Variants in RCOR2 observed in about 807,000 individuals in gnomAD.
RCOR2 encodes REST corepressor 2.
In RCOR2, 19 loss-of-function variants were observed where a neutral mutation model predicts 58.9. The ratio of observed to expected loss-of-function variants is 0.32; its 90% CI spans 0.23 to 0.47. The LOEUF (loss-of-function observed/expected upper bound fraction) is 0.47, where lower values mean the gene tolerates loss of function less well. Among genes scored for constraint, RCOR2 ranks in the 20% least tolerant of loss-of-function variants. The pLI is 1.00. For missense variants in RCOR2, 590 were observed against 707.9 expected (o/e 0.83, Z 1.89); for synonymous variants, 286 against 278.7 (o/e 1.03, Z -0.26).
chr11:63,926,191 G>A, the RCOR2 span, among the ~76,000 whole-genome samples: 9 of 151,836 alleles, frequency 5.9e-5, no homozygotes, highest in Non-Finnish European at 1.2e-4. Flanking sequence ...GATTACAGGC[G>A]TGAGCCACCA....
chr11:63,916,263 TC>T (rs1941855367), intron 1 of RCOR2, 66 bp downstream of exon 1: 11 of 1,378,454 alleles, frequency 8.0e-6, no homozygotes, highest in Non-Finnish European at 1.1e-5. Context: ...CTGCAACTCT[TC>T]CCCCTCCCGC....
At chr11:63,915,350 C>T in intron 2 of RCOR2, 92 bp from the exon 3 acceptor site, 1 of 1,276,164 alleles carries the variant, frequency 7.8e-7, no homozygotes, top group East Asian at 2.5e-5. Flanking sequence ...AGGAGTGGAG[C>T]CAGGGAGGTT....
intron 8 of RCOR2, 75 bp downstream of exon 8, chr11:63,913,879 C>T: frequency 1.5e-6 from 2 of 1,368,002 alleles, no homozygotes; most frequent in Non-Finnish European, 2.1e-6. Flanking sequence ...GCTTACACCT[C>T]AGCTCCCCCT....
At position 63,914,134 on chromosome 11, in the gene RCOR2, G is replaced by C. The variant is rs752761470; in HGVS notation, c.711C>G (p.Gly237=). The part of the protein sequence containing the change: ...LPSRPLNARP[G]PGKKEVQVSQ... ...ACACCTGGACCTCCTTTTTCCCAGG[G>C]CCTGGGCGTGCATTCAGGGGCCGAG... Residue 237 remains glycine (G), a synonymous_variant, in exon 8 of 12, where the codon GGC becomes GGG. Transcript: ENST00000301459. 1.9e-6 allele frequency: 3 copies of C among 1,613,916 alleles called. No individual in the cohort carries two copies. In the Admixed American group the frequency reaches 5.0e-5, roughly 27 times the overall value.
At chr11:63,922,429 T>C in the RCOR2 span, among the ~76,000 whole-genome samples, 1 of 152,216 alleles carries the variant, frequency 6.6e-6, no homozygotes, top group East Asian at 1.9e-4. Context: ...CTCGGCTCAC[T>C]GTAACCTCTG....
intron 3 of RCOR2, 31 bp downstream of exon 3, chr11:63,915,147 C>G (rs1264650662): frequency 2.6e-6 from 4 of 1,541,324 alleles, no homozygotes; most frequent in East Asian, 2.4e-5. Flanking sequence ...TGAACCCAAG[C>G]CCCCACCTCC....
At position 63,912,288 on chromosome 11, in the gene RCOR2, T is replaced by G. The variant is rs1590732766; in HGVS notation, c.1257+17A>C. On this transcript the variant is annotated intron_variant, in intron 11 of 11. Transcript: ENST00000301459. Reference sequence around the variant, plus strand: ...TCGCCTCTCCTCTCTGAGGGGTTTCTCTCACCCCCTTCTCACCTCATCATC... The same window carrying G: ...TCGCCTCTCCTCTCTGAGGGGTTTCGCTCACCCCCTTCTCACCTCATCATC... 3 of 1,601,136 alleles carry G rather than the reference T, an allele frequency of 1.9e-6. No homozygotes were observed. The highest frequency in any genetic ancestry group is 2.6e-6 in the Non-Finnish European group (3 of 1,169,070).
rs1005054252 is a variant in RCOR2, at chr11:63,911,786, T to G, written c.*79A>C. The G allele has an allele frequency of 4.1e-6, 6 of 1,458,870 alleles. No individual in the cohort carries two copies. The highest frequency in any genetic ancestry group is 1.5e-5 in the African/African-American group (1 of 67,308). 90.4% of individuals were successfully genotyped at this position (1,458,870 alleles called of 1,614,324 possible). On this transcript the variant is annotated 3_prime_UTR_variant, in exon 12 of 12. Coordinates refer to ENST00000301459, the MANE Select transcript of RCOR2 (RefSeq NM_173587.4). The stretch of plus-strand genomic sequence containing the variant: ...CCCGCCAGAGCCCTAGTCCCTTCTG[T>G]CCTCAGTGACACCAGAGATGCCTGG...
chr11:63,923,152 C>T, the RCOR2 span, among the ~76,000 whole-genome samples: 1 of 152,146 alleles, frequency 6.6e-6, no homozygotes, highest in African/African-American at 2.4e-5. Context: ...CAACCTCACT[C>T]CCAGGCTTTG....
intron 3 of RCOR2, 106 bp from the exon 4 acceptor site, chr11:63,915,060 G>A: frequency 6.5e-7 from 1 of 1,543,674 alleles, no homozygotes. Flanking sequence ...CTGAACACGA[G>A]CCCCAGGGCA....
chr11:63,911,607 T>G lies in RCOR2; in HGVS notation c.*258A>C. The G allele has an allele frequency of 4.6e-6, 2 of 436,272 alleles. No homozygotes were observed. The highest frequency in any genetic ancestry group is 7.9e-6 in the Non-Finnish European group (2 of 252,530). The allele number at this position is 436,272 out of a possible 1,614,324, so 27.0% of individuals were successfully genotyped here. ...GCCCCAGCAGACTAGGACACAGCCA[T>G]TCCAGTACCGGCCAGGAAGCGAAAG... On this transcript the variant is annotated 3_prime_UTR_variant, in exon 12 of 12. Transcript: ENST00000301459.
chr11:63,923,869 C>T, the RCOR2 span, among the ~76,000 whole-genome samples: 1 of 152,220 alleles, frequency 6.6e-6, no homozygotes, highest in Non-Finnish European at 1.5e-5. Flanking sequence ...ATCTTCACCA[C>T]CATGTGCCCA....
In RCOR2 at chr11:63,911,759, AC is replaced by A. The variant is rs1590731786; in HGVS notation, c.*105del. The A allele has an allele frequency of 7.2e-7, 1 of 1,396,024 alleles. No individual in the cohort carries two copies. The highest frequency in any genetic ancestry group is 9.2e-7 in the Non-Finnish European group (1 of 1,084,976). 86.5% of individuals were successfully genotyped at this position (1,396,024 alleles called of 1,614,324 possible). On this transcript the variant is annotated 3_prime_UTR_variant, in exon 12 of 12. Transcript: ENST00000301459. The stretch of plus-strand genomic sequence containing the variant: ...TGTCCGAAACTCTGGTCTTACAAAG[AC>A]CCCGCCAGAGCCCTAGTCCCTTCTG...
chr11:63,918,761 T>A (rs755497787), upstream of RCOR2, among the ~76,000 whole-genome samples: 1 of 152,118 alleles, frequency 6.6e-6, no homozygotes, highest in Non-Finnish European at 1.5e-5. Flanking sequence ...CCTACGGTGC[T>A]GTCTTCCATC....
Position 63,911,748 on chromosome 11 carries a change from G to C in RCOR2, c.*117C>G. On this transcript the variant is annotated 3_prime_UTR_variant, in exon 12 of 12. Transcript: ENST00000301459. ...CGGGGCTGGGCTGTCCGAAACTCTG[G>C]TCTTACAAAGACCCCGCCAGAGCCC... 7.2e-7 allele frequency: 1 copy of C among 1,381,616 alleles called. No homozygotes were observed. The highest frequency in any genetic ancestry group is 9.3e-7 in the Non-Finnish European group (1 of 1,075,290). 85.6% of individuals were successfully genotyped at this position (1,381,616 alleles called of 1,614,324 possible).
chr11:63,915,327 C>T, intron 2 of RCOR2, 69 bp from the exon 3 acceptor site: 1 of 1,364,048 alleles, frequency 7.3e-7, no homozygotes, highest in Non-Finnish European at 1.0e-6. Context: ...GACCCATGGC[C>T]AGAGGGCAGC....
rs1410106385 is a variant in RCOR2, at chr11:63,916,937, C to T, written c.-481G>A. On this transcript the variant is annotated 5_prime_UTR_variant, in exon 1 of 12. Coordinates refer to ENST00000301459, the MANE Select transcript of RCOR2 (RefSeq NM_173587.4). ...GCGGGGACCCGTGTCCTAAGCAGACCCCTGCCCGCGACGGCAGCCGGCCGG... is the reference window on the plus strand; with the variant it reads ...GCGGGGACCCGTGTCCTAAGCAGACTCCTGCCCGCGACGGCAGCCGGCCGG... 6.6e-6 allele frequency: 1 copy of T among 150,898 alleles called. No homozygotes were observed. Among genetic ancestry groups the T allele is most frequent in the Non-Finnish European group, 1.5e-5 (1 of 67,458 alleles). 9.3% of individuals were successfully genotyped at this position (150,898 alleles called of 1,614,324 possible). A position where few individuals can be genotyped will look rare whatever the true frequency, so the allele number is the denominator to read the frequency against.
In RCOR2 at chr11:63,912,861, C is replaced by T. The variant is rs1174036583; in HGVS notation, c.969+9G>A. The T allele has an allele frequency of 6.2e-7, 1 of 1,613,430 alleles. No individual in the cohort carries two copies. The highest frequency in any genetic ancestry group is 8.5e-7 in the Non-Finnish European group (1 of 1,179,580). On this transcript the variant is annotated intron_variant, in intron 9 of 11. Coordinates refer to ENST00000301459, the MANE Select transcript of RCOR2 (RefSeq NM_173587.4). ...CCCCTTTGCACCCTAACTTAAAGAG[C>T]AGCCATACCTCCGGGGGGCGTAGTG...
Position 63,911,978 on chromosome 11 carries a change from G to A in RCOR2, c.1459C>T (p.Pro487Ser). ...GCCAGAGCGGGGCGGATGAGAGGCG[G>A]TGGGGGCTGGTTGGGGGCCAGCCGG... ...QPRLAPNQPP[P>S]PLIRPALAAP... is the part of the protein sequence containing the mutation. Residue 487 changes from proline (P) to serine (S), a missense_variant, in exon 12 of 12, where the codon CCG becomes TCG. This residue lies in a region of RCOR2 where 196 missense variants were observed against 210.7 expected (regional missense o/e 0.93). Coordinates refer to ENST00000301459, the MANE Select transcript of RCOR2 (RefSeq NM_173587.4). 2.2e-6 allele frequency: 3 copies of A among 1,340,532 alleles called. No homozygotes were observed. Among genetic ancestry groups the A allele is most frequent in the South Asian group, 3.0e-5 (2 of 65,886 alleles). The allele number at this position is 1,340,532 out of a possible 1,614,324, so 83.0% of individuals were successfully genotyped here. A position where few individuals can be genotyped will look rare whatever the true frequency, so the allele number is the denominator to read the frequency against.
Sources: allele counts gnomAD v4.1 joint callset (sites outside exome capture counted in the v4.1 genomes callset), GRCh38; gene constraint gnomAD v4.1.1; regional missense constraint gnomAD v4.1.1; transcripts MANE v1.5; gene names NCBI Gene and HGNC (gene_info 2026-07-23, HGNC 2026-07-21).